The following CYP27B1 variants were observed in gnomAD, a reference collection of about 807,000 sequenced individuals.
The protein encoded by CYP27B1 is cytochrome P450 family 27 subfamily B member 1, also known as 25-hydroxyvitamin D-1 alpha hydroxylase, mitochondrial.
A neutral mutation model predicts 54.8 loss-of-function variants in CYP27B1; 46 were observed. The ratio of observed to expected loss-of-function variants is 0.84; its 90% CI spans 0.66 to 1.07. CYP27B1 has a LOEUF of 1.07. Ranked by LOEUF, CYP27B1 falls within the 50% of genes least tolerant of loss-of-function variation. CYP27B1 has a pLI of 0.00. For missense variants in CYP27B1, 674 were observed against 692.2 expected, an observed-to-expected ratio of 0.97 and a Z score of 0.30; for synonymous variants, 292 against 297.3, an observed-to-expected ratio of 0.98 and a Z score of 0.18.
At position 57,764,415 on chromosome 12, in the gene CYP27B1, G is replaced by T. The variant is rs747732728; in HGVS notation, c.1099C>A (p.Leu367Met). 1 of 1,614,086 alleles carries T rather than the reference G, an allele frequency of 6.2e-7. No homozygotes were observed. Among genetic ancestry groups the T allele is most frequent in the Admixed American group, 1.7e-5 (1 of 60,008 alleles). Residue 367 changes from leucine to methionine, a missense_variant, in exon 6 of 9, where the codon CTG becomes ATG. Physicochemically the swap from Leu to Met is conservative, Grantham distance 15 (BLOSUM62 2). Transcript: ENST00000228606. ...AYPSATVLSQ[L>M]PLLKAVVKEV... is the part of the protein sequence containing the mutation. ...TTGACCACCGCCTTCAGCAGGGGCA[G>T]CTGGGACAGAACAGTGGCTGAGGGG...
In CYP27B1 at chr12:57,764,763, TC is replaced by T. The variant is rs1466871641; in HGVS notation, c.953del (p.Gly318GlufsTer34). 1.2e-6 allele frequency: 2 copies of T among 1,612,968 alleles called. No individual in the cohort carries two copies. Among genetic ancestry groups the T allele is most frequent in the Non-Finnish European group, 1.7e-6 (2 of 1,179,846 alleles). On this transcript the variant is annotated frameshift_variant, in exon 5 of 9. Coordinates refer to ENST00000228606, the MANE Select transcript of CYP27B1 (RefSeq NM_000785.4). LOFTEE classifies it high-confidence loss of function. ...LGNVTELLLA[G>X]VDTVSNTLSW... Reference sequence around the variant, plus strand: ...GGAGGGAGAACCTCACCGTGTCCACTCCCGCCAATAGCAACTCTGTCACATT... The same window carrying T: ...GGAGGGAGAACCTCACCGTGTCCACTCCGCCAATAGCAACTCTGTCACATT...
intron 1 of CYP27B1, chr12:57,766,552 C>T (rs906894276): frequency 3.5e-6 from 2 of 571,592 alleles, no homozygotes; most frequent in Non-Finnish European, 6.2e-6. Context: ...CGCAAGCAGG[C>T]GGAGGGTACT....
At position 57,764,436 on chromosome 12, in the gene CYP27B1, A is replaced by T; in HGVS notation, c.1078T>A (p.Ser360Thr). The change falls in exon 6 of 9, where the codon TCA (serine) becomes ACA (threonine). Residue 360 changes from serine to threonine, a missense_variant. Transcript: ENST00000228606. ...ALSPGSSAYPSATVLSQLPLL... is the reference protein window; with the variant it reads ...ALSPGSSAYPTATVLSQLPLL... ...GGCAGCTGGGACAGAACAGTGGCTG[A>T]GGGGTAGGCACTGGAGCCAGGGCTC... The T allele has an allele frequency of 1.9e-6, 3 of 1,614,136 alleles. No homozygotes were observed. Among genetic ancestry groups the T allele is most frequent in the Non-Finnish European group, 2.5e-6 (3 of 1,180,026 alleles).
intron 8 of CYP27B1, 111 bp downstream of exon 8, chr12:57,763,500 A>T (rs1222319121): frequency 3.8e-6 from 4 of 1,041,412 alleles, no homozygotes; most frequent in Non-Finnish European, 6.1e-6. Context: ...CAGAAGATTC[A>T]TTCTACCAGG....
At position 57,762,728 on chromosome 12, in the gene CYP27B1, G is replaced by A. The variant is rs570897771; in HGVS notation, c.*414C>T. 2.2e-4 allele frequency: 61 copies of A among 271,194 alleles called. 2 individuals carry two copies. The highest frequency in any genetic ancestry group is 2.1e-3 in the South Asian group (50 of 24,012). The allele number at this position is 271,194 out of a possible 1,614,324, so 16.8% of individuals were successfully genotyped here. On this transcript the variant is annotated 3_prime_UTR_variant, in exon 9 of 9. Coordinates refer to ENST00000228606, the MANE Select transcript of CYP27B1 (RefSeq NM_000785.4). ...TCTCAAAGAGCTTACATGCAAAGAC[G>A]AAGGACCAACCAGGTACAGACCAGA... is the stretch of plus-strand genomic sequence containing the variant.
Position 57,765,755 on chromosome 12 carries a change from C to G in CYP27B1, c.386+252G>C. On this transcript the variant is annotated intron_variant, in intron 2 of 8. Coordinates refer to ENST00000228606, the MANE Select transcript of CYP27B1 (RefSeq NM_000785.4). This position sits in a 1 kb window ranked among gnomAD's most constrained non-coding sequence, Gnocchi z 5.8. ...CATTCATTCCATCCAGATCCTTGTA[C>G]CCTAGCCCAATTCCTCCGGTTCCCC... 1.2e-6 allele frequency: 1 copy of G among 818,074 alleles called. No individual in the cohort carries two copies. The allele number at this position is 818,074 out of a possible 1,614,324, so 50.7% of individuals were successfully genotyped here. A position where few individuals can be genotyped will look rare whatever the true frequency, so the allele number is the denominator to read the frequency against.
rs758802757 is a variant in CYP27B1, at chr12:57,765,068, G to A, written c.733C>T (p.Leu245Phe). The change falls in exon 4 of 9, where the codon CTT (leucine) becomes TTT (phenylalanine). Residue 245 changes from leucine to phenylalanine, a missense_variant. By Grantham distance (22) the Leu-to-Phe change is conservative. Transcript: ENST00000228606. This position sits in a 1 kb window ranked among gnomAD's most constrained non-coding sequence, Gnocchi z 5.8. ...AGGCGGCCCCAGGGCCCAGGCACAA[G>A]GTGGCGCAGCCAGTGGGGCATCGCC... ...TMAMPHWLRH[L>F]VPGPWGRLCR... 6.2e-7 allele frequency: 1 copy of A among 1,613,812 alleles called. No homozygotes were observed.
intron 1 of CYP27B1, chr12:57,766,617 C>G (rs1955363300): frequency 5.0e-6 from 3 of 602,700 alleles, no homozygotes; most frequent in Non-Finnish European, 2.9e-6. Flanking sequence ...AGGATCTCCA[C>G]ACCTCAGGAC....
chr12:57,766,999 C>T lies in CYP27B1; in HGVS notation c.43G>A (p.Val15Ile), dbSNP rs202028173. ...LKYASRVFHR[V>I]RWAPELGASL... ...GCGCCCAACTCGGGCGCCCAGCGGA[C>T]GCGATGGAACACTCTGGAGGCGTAC... is the stretch of plus-strand genomic sequence containing the variant. Residue 15 changes from valine to isoleucine, a missense_variant, in exon 1 of 9, where the codon GTC becomes ATC. Coordinates refer to ENST00000228606, the MANE Select transcript of CYP27B1 (RefSeq NM_000785.4). 5.0e-6 allele frequency: 8 copies of T among 1,614,194 alleles called. No individual in the cohort carries two copies. In the East Asian group the frequency reaches 6.7e-5, roughly 13 times the overall value.
At position 57,766,043 on chromosome 12, in the gene CYP27B1, C is replaced by G. The variant is rs765161769; in HGVS notation, c.350G>C (p.Arg117Pro). ...RCSFSPWTEH[R>P]RCRQRACGLL... Reference sequence around the variant, plus strand: ...TCCGCAAGCCCGCTGGCGGCAGCGGCGGTGCTCCGTCCAGGGCGAGAAGCT... The same window carrying G: ...TCCGCAAGCCCGCTGGCGGCAGCGGGGGTGCTCCGTCCAGGGCGAGAAGCT... The change falls in exon 2 of 9, where the codon CGC becomes CCC. Residue 117 changes from arginine to proline, a missense_variant. By Grantham distance (103) the Arg-to-Pro change is moderately radical. Transcript: ENST00000228606. 6.4e-7 allele frequency: 1 copy of G among 1,567,476 alleles called. No individual in the cohort carries two copies. Among genetic ancestry groups the G allele is most frequent in the African/African-American group, 1.3e-5 (1 of 74,284 alleles).
chr12:57,763,794 C>A lies in CYP27B1; in HGVS notation c.1230G>T (p.Leu410=). The change falls in exon 8 of 9, where the codon CTG becomes CTT. Residue 410 remains leucine (L), a synonymous_variant. Transcript: ENST00000228606. ...YIIPKNTLVT[L]CHYATSRDPA... is the part of the protein sequence containing the mutation. Reference sequence around the variant, plus strand: ...GGTCCCTTGAAGTGGCATAGTGACACAGAGTGACCAGCGTCTGGTGCAAAG... The same window carrying A: ...GGTCCCTTGAAGTGGCATAGTGACAAAGAGTGACCAGCGTCTGGTGCAAAG... The A allele has an allele frequency of 6.2e-7, 1 of 1,614,144 alleles. No individual in the cohort carries two copies. Among genetic ancestry groups the A allele is most frequent in the Non-Finnish European group, 8.5e-7 (1 of 1,180,020 alleles).
chr12:57,764,931 G>T lies in CYP27B1; in HGVS notation c.791-5C>A. On this transcript the variant is annotated splice_polypyrimidine_tract_variant and splice_region_variant and intron_variant, in intron 4 of 8. Transcript: ENST00000228606. ...GCCGCTCCACGTGCCTCTGAGCTGC[G>T]TGGGTAGAAGGCACGTGAATACCTC... is the stretch of plus-strand genomic sequence containing the variant. 1 of 1,614,106 alleles carries T rather than the reference G, an allele frequency of 6.2e-7. No individual in the cohort carries two copies. The highest frequency in any genetic ancestry group is 8.5e-7 in the Non-Finnish European group (1 of 1,180,026).
rs1955330255 is a variant in CYP27B1, at chr12:57,762,984, C to T, written c.*158G>A. On this transcript the variant is annotated 3_prime_UTR_variant, in exon 9 of 9. Transcript: ENST00000228606. ...TGAGTCAGGCCAAGTGCATACTTCACACATTGGTCAGGGCCGCCTCACACT... is the reference window on the plus strand; with the variant it reads ...TGAGTCAGGCCAAGTGCATACTTCATACATTGGTCAGGGCCGCCTCACACT... 12 of 665,762 alleles carry T rather than the reference C, an allele frequency of 1.8e-5. No individual in the cohort carries two copies. Among genetic ancestry groups the T allele is most frequent in the South Asian group, 1.7e-4 (11 of 63,556 alleles). 41.2% of individuals were successfully genotyped at this position (665,762 alleles called of 1,614,324 possible).
At chr12:57,766,525 C>T (rs1955362170) in intron 1 of CYP27B1, 4 of 566,802 alleles carry the variant, frequency 7.1e-6, no homozygotes, top group Middle Eastern at 4.7e-4. Flanking sequence ...TGAAAAGGAA[C>T]CCATGTAGCT....
intron 1 of CYP27B1, 198 bp from the exon 2 acceptor site, chr12:57,766,395 G>A: frequency 1.4e-6 from 1 of 690,080 alleles, no homozygotes; most frequent in Non-Finnish European, 2.3e-6. Flanking sequence ...GAGTGTGATG[G>A]GCAAAACCGG....
chr12:57,763,196 GGTCTT>G lies in CYP27B1; in HGVS notation c.1468_1472del (p.Lys490ProfsTer7). 6.2e-7 allele frequency: 1 copy of G among 1,614,216 alleles called. No homozygotes were observed. The highest frequency in any genetic ancestry group is 8.5e-7 in the Non-Finnish European group (1 of 1,180,030). ...TCCTTTCAGGTACCAGGACAGTCCGGGTCTTGGGTCTAACTGGGGCCGCACCTGGC... is the reference window on the plus strand; with the variant it reads ...TCCTTTCAGGTACCAGGACAGTCCGGGGGTCTAACTGGGGCCGCACCTGGC... On this transcript the variant is annotated frameshift_variant, in exon 9 of 9. Coordinates refer to ENST00000228606, the MANE Select transcript of CYP27B1 (RefSeq NM_000785.4). LOFTEE classifies it high-confidence loss of function.
In CYP27B1 at chr12:57,765,492, C is replaced by T. The variant is rs1471238106; in HGVS notation, c.394G>A (p.Glu132Lys). The part of the protein sequence containing the change: ...RACGLLTAEG[E>K]EWQRLRSLLA... Reference sequence around the variant, plus strand: ...AGACTGCGGAGCCTTTGCCATTCTTCGCCTTCCCTGCAGGGTTGAGGAGAG... The same window carrying T: ...AGACTGCGGAGCCTTTGCCATTCTTTGCCTTCCCTGCAGGGTTGAGGAGAG... Residue 132 changes from glutamate (E) to lysine (K), a missense_variant, in exon 3 of 9, where the codon GAA (glutamate) becomes AAA (lysine). Glu to Lys is a moderately conservative substitution (Grantham distance 56). Coordinates refer to ENST00000228606, the MANE Select transcript of CYP27B1 (RefSeq NM_000785.4). This position sits in a 1 kb window ranked among gnomAD's most constrained non-coding sequence, Gnocchi z 5.8. The T allele has an allele frequency of 1.9e-6, 3 of 1,610,460 alleles. No individual in the cohort carries two copies. The highest frequency in any genetic ancestry group is 2.5e-6 in the Non-Finnish European group (3 of 1,178,748).
Position 57,764,527 on chromosome 12 carries a change from A to C in CYP27B1, c.987T>G (p.Ala329=). 6.2e-7 allele frequency: 1 copy of C among 1,614,126 alleles called. No individual in the cohort carries two copies. Among genetic ancestry groups the C allele is most frequent in the Non-Finnish European group, 8.5e-7 (1 of 1,180,042 alleles). The change falls in exon 6 of 9, where the codon GCT becomes GCG. Residue 329 remains alanine, a synonymous_variant. Transcript: ENST00000228606. ...VDTVSNTLSW[A]LYELSRHPEV... ...CGGGGTGCCGGGAGAGCTCATACAG[A>C]GCCCAAGAGAGCGTGTTGGACACCT...
At chr12:57,763,908 G>T in intron 7 of CYP27B1, 100 bp from the exon 8 acceptor site, 1 of 1,275,342 alleles carries the variant, frequency 7.8e-7, no homozygotes, top group Non-Finnish European at 1.1e-6. Flanking sequence ...CCTGGTGGGT[G>T]ATGGGGAAGT....
Sources: gnomAD v4.1 joint callset for allele counts on GRCh38, gnomAD v4.1.1 for gene constraint, Gnocchi (gnomAD v3.1) non-coding constraint, MANE v1.5 for transcripts, NCBI Gene and HGNC (gene_info 2026-07-23, HGNC 2026-07-21) for gene names.